The following BRD8 variants were observed in gnomAD, a reference collection of about 807,000 sequenced individuals.
BRD8 encodes bromodomain containing 8.
BRD8 carries 67 observed loss-of-function variants against 143.1 expected under a neutral mutation model. That is an observed-to-expected ratio of 0.47 (90% confidence interval 0.38 to 0.57). The LOEUF (loss-of-function observed/expected upper bound fraction) is 0.57, where lower values mean the gene tolerates loss of function less well. Among genes scored for constraint, BRD8 ranks in the 20% least tolerant of loss-of-function variants. BRD8 has a pLI of 0.00. For missense variants in BRD8, 1,103 were observed against 1,503.0 expected (o/e 0.73, Z 4.40); for synonymous variants, 505 against 517.1 (o/e 0.98, Z 0.32).
intron 16 of BRD8, 72 bp from the exon 17 acceptor site, chr5:138,161,936 C>T (rs1169155483): frequency 6.3e-7 from 1 of 1,580,088 alleles, no homozygotes; most frequent in Non-Finnish European, 8.7e-7. Context: ...CTCTAAGTAA[C>T]TAAAGGTAGT....
Position 138,164,500 on chromosome 5 carries a change from T to C in BRD8, c.1732-87A>G, listed in dbSNP as rs931016516. 72 of 1,364,382 alleles carry C rather than the reference T, an allele frequency of 5.3e-5. 2 individuals are homozygous for C. In the South Asian group the frequency reaches 8.2e-4, roughly 15 times the overall value. The allele number at this position is 1,364,382 out of a possible 1,614,324, so 84.5% of individuals were successfully genotyped here. A position where few individuals can be genotyped will look rare whatever the true frequency, so the allele number is the denominator to read the frequency against. The stretch of plus-strand genomic sequence containing the variant: ...TTATTCTTCAGTGATAATGAGACCA[T>C]AGAAGAAATTCTAAGTCCTACTCAT... On this transcript the variant is annotated intron_variant, in intron 12 of 26. Transcript: ENST00000254900.
intron 23 of BRD8, among the ~76,000 whole-genome samples, chr5:138,148,231 G>C (rs559099834): frequency 5.1e-4 from 76 of 148,714 alleles, no homozygotes; most frequent in South Asian, 1.3e-3. Context: ...AATGTTTTAA[G>C]AATTTGTGTT....
chr5:138,143,188 G>A (rs559047689), intron 25 of BRD8, among the ~76,000 whole-genome samples: 14 of 152,240 alleles, frequency 9.2e-5, no homozygotes, highest in African/African-American at 3.4e-4. Flanking sequence ...GGGAGGCTGA[G>A]GTGGAAGGAT....
intron 21 of BRD8, 107 bp from the exon 22 acceptor site, chr5:138,151,115 G>C: frequency 7.3e-7 from 1 of 1,366,322 alleles, no homozygotes; most frequent in South Asian, 1.4e-5. Context: ...AAGTCTGAGA[G>C]GACAAAATGG....
At chr5:138,161,144 T>TA in intron 17 of BRD8, 76 bp from the exon 18 acceptor site, 1 of 1,211,134 alleles carries the variant, frequency 8.3e-7, no homozygotes, top group Non-Finnish European at 1.1e-6. Context: ...TACATTATCA[T>TA]ATAGACTTTC....
chr5:138,160,855 T>C, intron 18 of BRD8, 36 bp downstream of exon 18: 1 of 1,526,304 alleles, frequency 6.6e-7, no homozygotes, highest in Non-Finnish European at 8.8e-7. Context: ...TATTTTAATT[T>C]CATCCTTGCT....
rs1188526242 is a variant in BRD8, at chr5:138,163,044, A to AAG, written c.2087+85_2087+86insCT. The AAG allele has an allele frequency of 1.8e-4, 214 of 1,210,464 alleles. 3 individuals are homozygous for AAG. The South Asian group carries it at 1.8e-3, about 10-fold the overall frequency. 75.0% of individuals were successfully genotyped at this position (1,210,464 alleles called of 1,614,324 possible). ...GGAAAGGGAAAAGAAAAGAAAAGAG[A>AAG]AAAGACAGGAAGGAAGGAAGGAAGG... On this transcript the variant is annotated intron_variant, in intron 15 of 26. Coordinates refer to ENST00000254900, the MANE Select transcript of BRD8 (RefSeq NM_139199.2).
At chr5:138,154,052 C>G (rs564148895) in intron 20 of BRD8, among the ~76,000 whole-genome samples, 88 of 152,270 alleles carry the variant, frequency 5.8e-4, no homozygotes, top group Non-Finnish European at 1.1e-3. Flanking sequence ...GTAAGCAAGT[C>G]CTCTTCCCAG....
At chr5:138,175,041 C>T (rs770137659) in intron 2 of BRD8, among the ~76,000 whole-genome samples, 2 of 152,172 alleles carry the variant, frequency 1.3e-5, no homozygotes, top group Admixed American at 1.3e-4. Context: ...AGGCGCACGC[C>T]GCCACACCTG....
chr5:138,172,086 A>C lies in BRD8; in HGVS notation c.165T>G (p.Pro55=), dbSNP rs1381578708. 2 of 1,613,510 alleles carry C rather than the reference A, an allele frequency of 1.2e-6. No homozygotes were observed. The highest frequency in any genetic ancestry group is 2.7e-5 in the African/African-American group (2 of 74,746). ...AIKPFAEPGR[P]PDWFSQKHCA... is the part of the protein sequence containing the mutation. ...TTACTTTTTGAGAGAACCAGTCTGG[A>C]GGGCGGCCAGGTTCTGCAAAGGGCT... The change falls in exon 3 of 27, where the codon CCT becomes CCG. Residue 55 remains proline, a synonymous_variant. Transcript: ENST00000254900.
chr5:138,160,222 G>A (rs778495152), intron 18 of BRD8, 49 bp from the exon 19 acceptor site: 5 of 1,263,524 alleles, frequency 4.0e-6, no homozygotes, highest in Non-Finnish European at 4.6e-6. Flanking sequence ...ATTTAGTAGG[G>A]ACAAATTAAG....
rs1161497539 is a variant in BRD8, at chr5:138,169,373, A to G, written c.506-15T>C. The G allele has an allele frequency of 6.2e-7, 1 of 1,611,442 alleles. No individual in the cohort carries two copies. The highest frequency in any genetic ancestry group is 8.5e-7 in the Non-Finnish European group (1 of 1,179,060). On this transcript the variant is annotated splice_polypyrimidine_tract_variant and intron_variant, in intron 7 of 26. Coordinates refer to ENST00000254900, the MANE Select transcript of BRD8 (RefSeq NM_139199.2). Reference sequence around the variant, plus strand: ...TGCTTGACGAGCTAGAACATAAAAGAGAACAATGTCCAAATCTTCAAGATT... The same window carrying G: ...TGCTTGACGAGCTAGAACATAAAAGGGAACAATGTCCAAATCTTCAAGATT...
At chr5:138,156,529 TTAAG>T (rs1752608039) in intron 20 of BRD8, among the ~76,000 whole-genome samples, 1 of 152,266 alleles carries the variant, frequency 6.6e-6, no homozygotes, top group South Asian at 2.1e-4. Flanking sequence ...AAAGATAGCA[TTAAG>T]TGAGACAAAT....
chr5:138,162,263 G>A (rs1753053328), intron 15 of BRD8, 117 bp from the exon 16 acceptor site: 1 of 755,068 alleles, frequency 1.3e-6, no homozygotes, highest in African/African-American at 1.8e-5. Flanking sequence ...GCAGTGGCAT[G>A]ATCATGTTCA....
chr5:138,174,687 C>A (rs1267550553), intron 2 of BRD8, among the ~76,000 whole-genome samples: 1 of 151,996 alleles, frequency 6.6e-6, no homozygotes, highest in Non-Finnish European at 1.5e-5. Flanking sequence ...CAACCCCCTT[C>A]CTTCTTGTTG....
chr5:138,164,512 T>TA (rs2151202356), intron 12 of BRD8, 99 bp from the exon 13 acceptor site: 1 of 1,286,018 alleles, frequency 7.8e-7, no homozygotes, highest in African/African-American at 1.5e-5. Context: ...GAAGAAATTC[T>TA]AAGTCCTACT....
intron 2 of BRD8, among the ~76,000 whole-genome samples, chr5:138,174,811 T>C (rs1269027067): frequency 2.0e-5 from 3 of 151,912 alleles, no homozygotes; most frequent in Non-Finnish European, 4.4e-5. Context: ...ATCCTGAGCC[T>C]CTAATGTCAC....
intron 23 of BRD8, 71 bp downstream of exon 23, chr5:138,149,569 C>T: frequency 1.9e-5 from 25 of 1,316,398 alleles, no homozygotes; most frequent in African/African-American, 4.5e-5. Flanking sequence ...AAAAGTAATC[C>T]ATTTCATGAT....
chr5:138,140,782 C>A lies in BRD8; in HGVS notation c.3538G>T (p.Val1180Leu), dbSNP rs1288606297. The A allele has an allele frequency of 1.2e-6, 2 of 1,614,178 alleles. No individual in the cohort carries two copies. Among genetic ancestry groups the A allele is most frequent in the Non-Finnish European group, 1.7e-6 (2 of 1,180,014 alleles). The change falls in exon 26 of 27, where the codon GTA (valine) becomes TTA (leucine). Residue 1180 changes from valine to leucine, a missense_variant. By Grantham distance (32) the Val-to-Leu change is conservative. Around this residue, in one of 7 missense-constraint regions of BRD8, gnomAD observed 369 missense variants for 445.5 expected, o/e 0.83. Transcript: ENST00000254900. ...TGATGATCAGAGTCATTGTACATTA[C>A]AGCATTTTGGAACATCAGCATCAGG... ...RDLMLMFQNAVMYNDSDHHVY... is the reference protein window; with the variant it reads ...RDLMLMFQNALMYNDSDHHVY...
Sources: gnomAD v4.1 joint callset for allele counts (sites outside exome capture counted in the v4.1 genomes callset) on GRCh38, gnomAD v4.1.1 for gene constraint, gnomAD v4.1.1 regional missense constraint, MANE v1.5 for transcripts, NCBI Gene and HGNC (gene_info 2026-07-23, HGNC 2026-07-21) for gene names.